The following KCNAB1 variants were observed in gnomAD, a reference collection of about 807,000 sequenced individuals.
KCNAB1 encodes potassium voltage-gated channel subfamily A regulatory beta subunit 1.
A neutral mutation model predicts 64.6 loss-of-function variants in KCNAB1; 35 were observed. The ratio of observed to expected loss-of-function variants is 0.54; its 90% CI spans 0.41 to 0.72. KCNAB1 has a LOEUF of 0.72. KCNAB1 is among the 30% of genes least tolerant of loss of function. The probability of loss-of-function intolerance (pLI) is 0.00; values close to 1 mark genes in which losing one functional copy is unlikely to be tolerated. For synonymous variants in KCNAB1, 177 were observed against 183.8 expected (o/e 0.96, Z 0.30); for missense variants, 401 against 512.9 (o/e 0.78, Z 2.11).
At chr3:156,189,472 G>A (rs1713418521) in intron 1 of KCNAB1, among the ~76,000 whole-genome samples, 1 of 152,224 alleles carries the variant, frequency 6.6e-6, no homozygotes. Context: ...TGGCCAGTGT[G>A]TGCTATATCA....
chr3:156,438,323 A>C (rs1246744227), intron 2 of KCNAB1, among the ~76,000 whole-genome samples: 3 of 151,392 alleles, frequency 2.0e-5, no homozygotes, highest in Non-Finnish European at 3.0e-5. Context: ...CCAATGCAAG[A>C]AGCAAGGGGC....
chr3:156,273,286 C>T (rs780574934), intron 1 of KCNAB1, among the ~76,000 whole-genome samples: 86 of 152,330 alleles, frequency 5.6e-4, no homozygotes, highest in Admixed American at 9.1e-4. Context: ...AGCATTCAGA[C>T]TTGCCTAGGA....
chr3:156,433,427 G>A (rs190707132), intron 2 of KCNAB1, among the ~76,000 whole-genome samples: 14 of 152,284 alleles, frequency 9.2e-5, no homozygotes, highest in Middle Eastern at 3.4e-3. Flanking sequence ...AATATAAAGC[G>A]TCATGGAAAC....
chr3:156,267,901 CTTAA>C (rs1243077912), intron 1 of KCNAB1, among the ~76,000 whole-genome samples: 2 of 151,986 alleles, frequency 1.3e-5, no homozygotes, highest in Non-Finnish European at 2.9e-5. Flanking sequence ...CAAGTATACT[CTTAA>C]TTATTTTAGA....
At chr3:156,196,932 G>A (rs1313630754) in intron 1 of KCNAB1, among the ~76,000 whole-genome samples, 11 of 152,192 alleles carry the variant, frequency 7.2e-5, no homozygotes, top group African/African-American at 2.4e-4. Flanking sequence ...GATACTGGCT[G>A]TGTGTTTGTC....
chr3:156,459,814 T>C lies in KCNAB1; in HGVS notation c.438-13T>C. The stretch of plus-strand genomic sequence containing the variant: ...ACACTGCATTCTAAGACATTATCTG[T>C]TTCCCCTTCCAGGGCTGAAGTGATT... On this transcript the variant is annotated splice_polypyrimidine_tract_variant and intron_variant, in intron 4 of 13. Transcript: ENST00000490337. 1 of 1,599,974 alleles carries C rather than the reference T, an allele frequency of 6.3e-7. No homozygotes were observed. The highest frequency in any genetic ancestry group is 1.7e-4 in the Middle Eastern group (1 of 6,026).
At chr3:156,206,422 A>G (rs1240477757) in intron 1 of KCNAB1, among the ~76,000 whole-genome samples, 3 of 152,170 alleles carry the variant, frequency 2.0e-5, no homozygotes, top group Non-Finnish European at 4.4e-5. Flanking sequence ...TTAGATTCCT[A>G]TGACCATCCC....
At chr3:156,361,205 T>A (rs1007575796) in intron 1 of KCNAB1, among the ~76,000 whole-genome samples, 4 of 152,118 alleles carry the variant, frequency 2.6e-5, no homozygotes, top group Non-Finnish European at 5.9e-5. Flanking sequence ...GGGATGTTCC[T>A]CTAACAGACC....
At chr3:156,443,527 A>T (rs1167068452) in intron 2 of KCNAB1, among the ~76,000 whole-genome samples, 1 of 152,158 alleles carries the variant, frequency 6.6e-6, no homozygotes, top group Non-Finnish European at 1.5e-5. Context: ...AGGTGAGGAA[A>T]ATAGATGGAA....
intron 1 of KCNAB1, among the ~76,000 whole-genome samples, chr3:156,293,288 C>G (rs1720570880): frequency 6.6e-6 from 1 of 152,238 alleles, no homozygotes; most frequent in Middle Eastern, 3.2e-3. Flanking sequence ...GCTACCAACA[C>G]ATCTTCCAAA....
intron 1 of KCNAB1, among the ~76,000 whole-genome samples, chr3:156,256,233 A>C (rs1185591217): frequency 6.6e-6 from 1 of 152,268 alleles, no homozygotes. Context: ...AATATAAGAC[A>C]ATGCTCCCAG....
intron 1 of KCNAB1, among the ~76,000 whole-genome samples, chr3:156,276,333 T>C (rs1337920483): frequency 6.6e-6 from 1 of 152,092 alleles, no homozygotes; most frequent in African/African-American, 2.4e-5. Flanking sequence ...ACAGGCAGAG[T>C]AGATTTAGCA....
chr3:156,120,244 G>T (rs566482702), upstream of KCNAB1, among the ~76,000 whole-genome samples: 2 of 152,106 alleles, frequency 1.3e-5, no homozygotes, highest in Non-Finnish European at 2.9e-5. Flanking sequence ...CATGATTATC[G>T]AATGTAATTT....
At chr3:156,356,208 A>T (rs898692730) in intron 1 of KCNAB1, among the ~76,000 whole-genome samples, 2 of 151,946 alleles carry the variant, frequency 1.3e-5, no homozygotes, top group African/African-American at 4.8e-5. Context: ...GAAAGAAGAG[A>T]AATGTGACCC....
At chr3:156,146,331 G>C (rs975110213) in intron 1 of KCNAB1, among the ~76,000 whole-genome samples, 9 of 151,834 alleles carry the variant, frequency 5.9e-5, no homozygotes, top group African/African-American at 2.2e-4. Context: ...TACCTAAGAG[G>C]GTCTTCAGTT....
intron 1 of KCNAB1, among the ~76,000 whole-genome samples, chr3:156,360,793 A>G (rs1251509265): frequency 6.6e-6 from 1 of 151,908 alleles, no homozygotes; most frequent in African/African-American, 2.4e-5. Context: ...TCTTCTGCCT[A>G]ACATCTAATC....
At chr3:156,194,388 G>A (rs1713754557) in intron 1 of KCNAB1, among the ~76,000 whole-genome samples, 1 of 151,756 alleles carries the variant, frequency 6.6e-6, no homozygotes, top group Non-Finnish European at 1.5e-5. Context: ...TTTTCCTTTT[G>A]GTACTTCCAC....
chr3:156,507,926 A>G (rs1490194133), intron 8 of KCNAB1, among the ~76,000 whole-genome samples: 1 of 152,196 alleles, frequency 6.6e-6, no homozygotes, highest in Non-Finnish European at 1.5e-5. Context: ...GGTTAAATAT[A>G]TAATATGTTA....
intron 1 of KCNAB1, among the ~76,000 whole-genome samples, chr3:156,313,210 C>T (rs944429642): frequency 6.6e-6 from 1 of 152,112 alleles, no homozygotes; most frequent in African/African-American, 2.4e-5. Flanking sequence ...TATCAATTCA[C>T]TGACATATTT....
Sources: gnomAD v4.1 joint callset for allele counts (sites outside exome capture counted in the v4.1 genomes callset) on GRCh38, gnomAD v4.1.1 for gene constraint, MANE v1.5 for transcripts, NCBI Gene and HGNC (gene_info 2026-07-23, HGNC 2026-07-21) for gene names.